Variants in TSBP1 observed in about 807,000 individuals in gnomAD.
TSBP1 encodes the protein testis-expressed basic protein 1.
Under a neutral mutation model 68.8 loss-of-function variants are expected in TSBP1, and 56 were observed. The ratio of observed to expected loss-of-function variants is 0.81; its 90% confidence interval spans 0.66 to 1.02. TSBP1 has a LOEUF of 1.02. Among genes scored for constraint, TSBP1 ranks in the 50% least tolerant of loss-of-function variants. The pLI is 0.00. For missense variants in TSBP1, 502 were observed against 641.2 expected, an observed-to-expected ratio of 0.78 and a Z score of 2.34; for synonymous variants, 171 against 208.7, an observed-to-expected ratio of 0.82 and a Z score of 1.56.
intron 18 of TSBP1, among the ~76,000 whole-genome samples, chr6:32,320,432 C>G (rs1767491471): frequency 6.6e-6 from 1 of 152,034 alleles, no homozygotes; most frequent in African/African-American, 2.4e-5. Flanking sequence ...TCAGAGGGGC[C>G]TAATTTCAGT....
chr6:32,364,670 C>T (rs1773460037), intron 6 of TSBP1, among the ~76,000 whole-genome samples: 1 of 151,980 alleles, frequency 6.6e-6, no homozygotes, highest in South Asian at 2.1e-4. Flanking sequence ...TTGTAGCTCA[C>T]TGAGCTTTCT....
At chr6:32,328,798 G>A (rs1268186017) in intron 16 of TSBP1, among the ~76,000 whole-genome samples, 34 of 151,688 alleles carry the variant, frequency 2.2e-4, no homozygotes. Flanking sequence ...TGATCCACCT[G>A]CCTCGGGCTC....
rs1036246573 is a variant in TSBP1 at position 32,351,534 on chromosome 6, G to GA, written c.260-1706dup. 3.3e-5 allele frequency among the ~76,000 whole-genome samples: 5 copies of GA among 152,238 alleles called. No homozygotes were observed. In the East Asian group the frequency reaches 7.7e-4, roughly 23 times the overall value. On this transcript the variant is annotated intron_variant, in intron 8 of 22. Transcript: ENST00000612031. ...ATATAAAAGAGAAGTCACAAGATCT[G>GA]AAAGATGGAAGGAAAATCTTTACAT... is the stretch of plus-strand genomic sequence containing the variant.
intron 16 of TSBP1, 57 bp downstream of exon 17, chr6:32,330,532 C>G: frequency 1.9e-6 from 3 of 1,543,114 alleles, no homozygotes; most frequent in Non-Finnish European, 2.7e-6. Flanking sequence ...AACAGGCCCT[C>G]TAGACACTGT....
At position 32,341,712 on chromosome 6, in the gene TSBP1, A is replaced by G. The variant is rs141902057; in HGVS notation, c.350-2074T>C. On this transcript the variant is annotated intron_variant, in intron 9 of 22. Coordinates refer to ENST00000612031, the Ensembl canonical transcript of TSBP1. Reference sequence around the variant, plus strand: ...CCTTCCTTTTCGTTACTTTAAGGATAGGTATTGGTTGGATCACATTTAATT... The same window carrying G: ...CCTTCCTTTTCGTTACTTTAAGGATGGGTATTGGTTGGATCACATTTAATT... Among the ~76,000 whole-genome samples the G allele has an allele frequency of 6.7e-3, 1,013 of 152,310 alleles. 18 individuals carry two copies. Among genetic ancestry groups the G allele is most frequent in the East Asian group, 0.02 (102 of 5,194 alleles).
chr6:32,339,012 CA>C lies in TSBP1; in HGVS notation c.389-14del. On this transcript the variant is annotated splice_polypyrimidine_tract_variant and intron_variant, in intron 10 of 22. Coordinates refer to ENST00000612031, the Ensembl canonical transcript of TSBP1. Reference sequence around the variant, plus strand: ...CCTGCAGTTCTGGCTAAAATACAAACAAAAAAGGTGAGTTTGAAGAGAGCAT... The same window carrying C: ...CCTGCAGTTCTGGCTAAAATACAAACAAAAAGGTGAGTTTGAAGAGAGCAT... 2 of 1,610,360 alleles carry C rather than the reference CA, an allele frequency of 1.2e-6. No homozygotes were observed. The highest frequency in any genetic ancestry group is 1.7e-6 in the Non-Finnish European group (2 of 1,177,816).
At chr6:32,328,316 C>T (rs546119736) in intron 16 of TSBP1, among the ~76,000 whole-genome samples, 6 of 152,202 alleles carry the variant, frequency 3.9e-5, no homozygotes, top group Admixed American at 1.3e-4. Flanking sequence ...GACACGATCT[C>T]GGCTCACTGC....
chr6:32,336,495 C>G lies in TSBP1; in HGVS notation c.430+120G>C. The G allele has an allele frequency of 1.2e-6, 1 of 832,420 alleles. No individual in the cohort carries two copies. The highest frequency in any genetic ancestry group is 2.0e-6 in the Non-Finnish European group (1 of 509,976). 51.6% of individuals were successfully genotyped at this position (832,420 alleles called of 1,614,324 possible). On this transcript the variant is annotated intron_variant, in intron 12 of 22. Coordinates refer to ENST00000612031, the Ensembl canonical transcript of TSBP1. The surrounding 1 kb of genome is among the most constrained non-coding windows in gnomAD (Gnocchi z 5.2). ...ACCCATTAGCAAACCTGCATATGCA[C>G]CACCGGAATCTAAAATAAAAGTTGA...
In TSBP1 at chr6:32,338,888, T is replaced by TA. The variant is rs1350017184; in HGVS notation, c.409+90dup. ...AGGAATGGACAATTTGTGAAAGAAA[T>TA]AAAAAAATCTAGGAATATGAGTGTC... On this transcript the variant is annotated intron_variant, in intron 11 of 22. Transcript: ENST00000612031. The surrounding 1 kb of genome is among the most constrained non-coding windows in gnomAD (Gnocchi z 5.5). 2.1e-5 allele frequency: 22 copies of TA among 1,025,634 alleles called. 1 individual carries two copies. In the Admixed American group the frequency reaches 3.9e-4, roughly 18 times the overall value. The allele number at this position is 1,025,634 out of a possible 1,614,324, so 63.5% of individuals were successfully genotyped here.
chr6:32,366,778 A>AAAAC (rs1462092617), intron 4 of TSBP1, among the ~76,000 whole-genome samples: 1 of 151,732 alleles, frequency 6.6e-6, no homozygotes, highest in Non-Finnish European at 1.5e-5. Flanking sequence ...AAAAAAAAAA[A>AAAAC]AAAAAAAAGT....
At chr6:32,344,917 G>C (rs1381934242) in intron 9 of TSBP1, among the ~76,000 whole-genome samples, 1 of 152,098 alleles carries the variant, frequency 6.6e-6, no homozygotes, top group East Asian at 1.9e-4. Flanking sequence ...GAAGTTCAGT[G>C]GTTGCATAGC....
chr6:32,336,609 A>T lies in TSBP1; in HGVS notation c.430+6T>A. The T allele has an allele frequency of 3.1e-6, 5 of 1,612,004 alleles. No homozygotes were observed. Among genetic ancestry groups the T allele is most frequent in the African/African-American group, 1.3e-5 (1 of 75,046 alleles). ...ACCAGAGTGGAAAAACAAACTTGAT[A>T]CTTACGAATAGGGGCTGTGAATTGC... On this transcript the variant is annotated splice_donor_region_variant and intron_variant, in intron 12 of 22. Transcript: ENST00000612031. The surrounding 1 kb of genome is among the most constrained non-coding windows in gnomAD (Gnocchi z 5.2).
intron 6 of TSBP1, among the ~76,000 whole-genome samples, chr6:32,359,359 C>A (rs1189813568): frequency 6.6e-6 from 1 of 152,046 alleles, no homozygotes; most frequent in East Asian, 1.9e-4. Context: ...GAGATGGTAT[C>A]TCATTGTGGT....
In TSBP1 at chr6:32,316,346, G is replaced by A; in HGVS notation, c.560-554C>T. 1 of 1,507,992 alleles carries A rather than the reference G, an allele frequency of 6.6e-7. No homozygotes were observed. The highest frequency in any genetic ancestry group is 9.1e-7 in the Non-Finnish European group (1 of 1,100,324). The allele number at this position is 1,507,992 out of a possible 1,614,324, so 93.4% of individuals were successfully genotyped here. On this transcript the variant is annotated intron_variant, in intron 18 of 22. Coordinates refer to ENST00000612031, the Ensembl canonical transcript of TSBP1. This position sits in a 1 kb window ranked among gnomAD's most constrained non-coding sequence, Gnocchi z 4.5. ...CAAATCACTTTGACAGAAGTGAAGT[G>A]AAGGGGACCAAAGAGAACCAAAGTA...
chr6:32,355,252 A>G (rs1772168828), intron 7 of TSBP1, 108 bp from the exon 8 acceptor site: 1 of 1,091,536 alleles, frequency 9.2e-7, no homozygotes, highest in East Asian at 2.4e-5. Flanking sequence ...GTTAAAGTCT[A>G]GGCCCCGGGA....
intron 16 of TSBP1, among the ~76,000 whole-genome samples, chr6:32,330,240 C>T (rs1225030401): frequency 2.0e-5 from 3 of 152,182 alleles, no homozygotes; most frequent in Admixed American, 1.3e-4. Context: ...ATTTCCTCCT[C>T]ATTGTCTCCT....
intron 9 of TSBP1, among the ~76,000 whole-genome samples, chr6:32,341,519 C>G (rs2143467): frequency 0.34 from 51,121 of 151,974 alleles, 9,663 homozygotes; most frequent in Middle Eastern, 0.52. Context: ...CCATCCTGAC[C>G]AAACAAAACA....
chr6:32,330,672 A>ACT, intron 15 of TSBP1, 63 bp from the exon 17 acceptor site: 1 of 1,467,086 alleles, frequency 6.8e-7, no homozygotes, highest in South Asian at 1.3e-5. Context: ...ACACACACAC[A>ACT]CACTTCTATT....
Position 32,292,888 on chromosome 6 carries a change from A to G in TSBP1, c.*93T>C, listed in dbSNP as rs1247971130. On this transcript the variant is annotated 3_prime_UTR_variant, in exon 23 of 23. Transcript: ENST00000612031. This position sits in a 1 kb window ranked among gnomAD's most constrained non-coding sequence, Gnocchi z 4.1. ...AAGATGAAAGGGATTTTATAATTGTAATCTGTTTAGGCAATGGCTGGGATA... is the reference window on the plus strand; with the variant it reads ...AAGATGAAAGGGATTTTATAATTGTGATCTGTTTAGGCAATGGCTGGGATA... 2.0e-5 allele frequency: 15 copies of G among 748,898 alleles called. No homozygotes were observed. The highest frequency in any genetic ancestry group is 3.3e-5 in the Non-Finnish European group (15 of 450,304). 46.4% of individuals were successfully genotyped at this position (748,898 alleles called of 1,614,324 possible). A position where few individuals can be genotyped will look rare whatever the true frequency, so the allele number is the denominator to read the frequency against.
Sources: gnomAD v4.1 joint callset for allele counts (sites outside exome capture counted in the v4.1 genomes callset) on GRCh38, gnomAD v4.1.1 for gene constraint, Gnocchi (gnomAD v3.1) non-coding constraint, MANE v1.5 for transcripts, NCBI Gene and HGNC (gene_info 2026-07-23, HGNC 2026-07-21) for gene names.